GUCA1C: variants seen among roughly 807,000 people sequenced by gnomAD.
GUCA1C encodes the protein guanylate cyclase activator 1C.
Under a neutral mutation model 16.2 loss-of-function variants are expected in GUCA1C, and 15 were observed. The ratio of observed to expected loss-of-function variants is 0.93; its 90% CI spans 0.62 to 1.43. GUCA1C has a LOEUF of 1.43. Ranked by LOEUF, GUCA1C falls within the 40% of genes most tolerant of loss-of-function variation. The pLI, the probability that GUCA1C is intolerant of heterozygous loss-of-function variation, is 0.00. For synonymous variants in GUCA1C, 78 were observed against 85.4 expected, an observed-to-expected ratio of 0.91 and a Z score of 0.48; for missense variants, 275 against 244.8, an observed-to-expected ratio of 1.12 and a Z score of -0.82.
chr3:108,949,962 G>A (rs995717742), intron 1 of GUCA1C, among the ~76,000 whole-genome samples: 7 of 152,084 alleles, frequency 4.6e-5, no homozygotes, highest in African/African-American at 1.7e-4. Context: ...TAGTCACCAT[G>A]CTATACAAGA....
Position 108,912,660 on chromosome 3 carries a change from A to G in GUCA1C, c.442+3467T>C, listed in dbSNP as rs139974924. ...GTAATTAACTCCTGCTAACTGATCCAGGTTTATATTTTATGAAGTTTTTAA... is the reference window on the plus strand; with the variant it reads ...GTAATTAACTCCTGCTAACTGATCCGGGTTTATATTTTATGAAGTTTTTAA... On this transcript the variant is annotated intron_variant, in intron 3 of 3. Coordinates refer to ENST00000261047, the MANE Select transcript of GUCA1C (RefSeq NM_005459.4). Among the ~76,000 whole-genome samples, 575 of 150,858 alleles carry G rather than the reference A, an allele frequency of 3.8e-3. 11 individuals carry two copies. Among genetic ancestry groups the G allele is most frequent in the East Asian group, 0.021 (107 of 5,142 alleles).
At chr3:108,934,145 G>C (rs1452353209) in intron 1 of GUCA1C, among the ~76,000 whole-genome samples, 1 of 152,042 alleles carries the variant, frequency 6.6e-6, no homozygotes, top group Non-Finnish European at 1.5e-5. Flanking sequence ...CATGGACACA[G>C]GGAGGGGAAC....
intron 1 of GUCA1C, among the ~76,000 whole-genome samples, chr3:108,949,641 T>C (rs900939181): frequency 2.0e-5 from 3 of 152,186 alleles, no homozygotes; most frequent in Non-Finnish European, 1.5e-5. Flanking sequence ...TCCTATAAAA[T>C]AGGTTCCATT....
chr3:108,946,389 C>A (rs374263677), intron 1 of GUCA1C, among the ~76,000 whole-genome samples: 51 of 152,202 alleles, frequency 3.4e-4, no homozygotes, highest in African/African-American at 1.0e-3. Flanking sequence ...GCTTTCTTGG[C>A]CTTTCAAGAG....
At chr3:108,921,175 T>C (rs1946566265) in intron 1 of GUCA1C, among the ~76,000 whole-genome samples, 2 of 152,210 alleles carry the variant, frequency 1.3e-5, no homozygotes, top group African/African-American at 2.4e-5. Context: ...ATGGTTAAAA[T>C]TATATAGTAT....
At chr3:108,910,818 T>G (rs1427972821) in intron 3 of GUCA1C, among the ~76,000 whole-genome samples, 2 of 151,650 alleles carry the variant, frequency 1.3e-5, no homozygotes, top group Non-Finnish European at 1.5e-5. Flanking sequence ...CCTGGCTAAT[T>G]TTTTGTAATT....
chr3:108,913,710 C>T (rs369863832), intron 3 of GUCA1C, among the ~76,000 whole-genome samples: 1 of 152,108 alleles, frequency 6.6e-6, no homozygotes, highest in Non-Finnish European at 1.5e-5. Flanking sequence ...TAAGAAATAG[C>T]GATTCATAGG....
chr3:108,918,703 T>TG (rs1480309552), intron 2 of GUCA1C, among the ~76,000 whole-genome samples: 1 of 152,210 alleles, frequency 6.6e-6, no homozygotes, highest in Non-Finnish European at 1.5e-5. Flanking sequence ...TGCAATCTCT[T>TG]AATGCCTGGG....
intron 2 of GUCA1C, among the ~76,000 whole-genome samples, chr3:108,918,758 G>A (rs1373433198): frequency 6.6e-6 from 1 of 152,068 alleles, no homozygotes; most frequent in Non-Finnish European, 1.5e-5. Context: ...AGAGAACTTA[G>A]ATTATACACT....
intron 1 of GUCA1C, among the ~76,000 whole-genome samples, chr3:108,930,046 G>A (rs1275476590): frequency 6.6e-5 from 10 of 152,124 alleles, no homozygotes; most frequent in Non-Finnish European, 2.9e-5. Context: ...AACAATCTGT[G>A]TCACTCTTTA....
rs78769481 is a variant in GUCA1C at position 108,919,416 on chromosome 3, A to T, written c.354+1020T>A. 4.6e-5 allele frequency among the ~76,000 whole-genome samples: 7 copies of T among 152,258 alleles called. No homozygotes were observed. In the East Asian group the frequency reaches 1.4e-3, roughly 29 times the overall value. On this transcript the variant is annotated intron_variant, in intron 2 of 3. Transcript: ENST00000261047. The stretch of plus-strand genomic sequence containing the variant: ...ATTCTCTATAGAATATTTGATTTCT[A>T]ATTTTGTGTTGCAATATATAAGGTA...
chr3:108,936,923 T>A (rs139897890), intron 1 of GUCA1C, among the ~76,000 whole-genome samples: 23 of 152,314 alleles, frequency 1.5e-4, no homozygotes, highest in Middle Eastern at 3.4e-3. Context: ...TGGCTCATTC[T>A]CTTTTTATCC....
At chr3:108,940,972 A>C (rs1455679763) in intron 1 of GUCA1C, among the ~76,000 whole-genome samples, 1 of 152,212 alleles carries the variant, frequency 6.6e-6, no homozygotes, top group African/African-American at 2.4e-5. Context: ...ACAGGAGGCC[A>C]GACATTCTGA....
chr3:108,921,697 C>G (rs1170951580), intron 1 of GUCA1C, among the ~76,000 whole-genome samples: 1 of 152,148 alleles, frequency 6.6e-6, no homozygotes, highest in African/African-American at 2.4e-5. Context: ...TGATGTTGAA[C>G]ATCTTTTTGT....
intron 2 of GUCA1C, among the ~76,000 whole-genome samples, chr3:108,917,634 C>T (rs181380613): frequency 2.7e-4 from 41 of 152,238 alleles, no homozygotes; most frequent in Middle Eastern, 3.4e-3. Flanking sequence ...CAAGTACTGT[C>T]CCCATTAGCT....
At position 108,920,597 on chromosome 3, in the gene GUCA1C, A is replaced by C; in HGVS notation, c.205-12T>G. On this transcript the variant is annotated splice_polypyrimidine_tract_variant and intron_variant, in intron 1 of 3. Coordinates refer to ENST00000261047, the MANE Select transcript of GUCA1C (RefSeq NM_005459.4). ...TCAACAAATCCATCCTATGGAAAGT[A>C]AGATGAAAAGAGAAATAAATATTTA... 7.2e-7 allele frequency: 1 copy of C among 1,381,312 alleles called. No homozygotes were observed. Among genetic ancestry groups the C allele is most frequent in the South Asian group, 1.2e-5 (1 of 82,700 alleles). The allele number at this position is 1,381,312 out of a possible 1,614,324, so 85.6% of individuals were successfully genotyped here.
chr3:108,927,322 T>A (rs1045353492), intron 1 of GUCA1C, among the ~76,000 whole-genome samples: 3 of 152,204 alleles, frequency 2.0e-5, no homozygotes, highest in Non-Finnish European at 4.4e-5. Context: ...CTCAAATATG[T>A]TTTCTAAACT....
chr3:108,922,834 G>A (rs1038097177), intron 1 of GUCA1C, among the ~76,000 whole-genome samples: 16 of 151,916 alleles, frequency 1.1e-4, no homozygotes, highest in South Asian at 2.1e-4. Context: ...CCCCCTACCC[G>A]CCGACAGGCC....
At position 108,916,167 on chromosome 3, in the gene GUCA1C, G is replaced by T; in HGVS notation, c.402C>A (p.Phe134Leu). The change falls in exon 3 of 4, where the codon TTC (phenylalanine) becomes TTA (leucine). Residue 134 changes from phenylalanine to leucine, a missense_variant. Phe to Leu is a conservative substitution (Grantham distance 22). Transcript: ENST00000261047. ...NGQQTLSPEE[F>L]INLVFHKIDI... ...CGATCTTATGGAACACCAAGTTGATGAATTCTTCAGGACTCAGAGTTTGCT... is the reference window on the plus strand; with the variant it reads ...CGATCTTATGGAACACCAAGTTGATTAATTCTTCAGGACTCAGAGTTTGCT... 2 of 1,613,366 alleles carry T rather than the reference G, an allele frequency of 1.2e-6. No individual in the cohort carries two copies. Among genetic ancestry groups the T allele is most frequent in the South Asian group, 1.1e-5 (1 of 91,038 alleles).
Sources: gnomAD v4.1 joint callset for allele counts (sites outside exome capture counted in the v4.1 genomes callset) on GRCh38, gnomAD v4.1.1 for gene constraint, MANE v1.5 for transcripts, NCBI Gene and HGNC (gene_info 2026-07-23, HGNC 2026-07-21) for gene names.